The following AKAP19 variants were observed in gnomAD, a reference collection of about 807,000 sequenced individuals.
AKAP19 encodes the protein small A-kinase anchoring protein.
At chr2:189,912,927 G>A in the AKAP19 span, among the ~76,000 whole-genome samples, 1 of 152,092 alleles carries the variant, frequency 6.6e-6, no homozygotes, top group Non-Finnish European at 1.5e-5. Flanking sequence ...TAACATAATA[G>A]CTTGGCTGAG....
the AKAP19 span, among the ~76,000 whole-genome samples, chr2:190,193,547 T>C: frequency 2.0e-5 from 3 of 152,190 alleles, no homozygotes; most frequent in Non-Finnish European, 4.4e-5. Flanking sequence ...GAGGTTTCTT[T>C]TTGGAAAGAT....
chr2:190,004,122 T>C, the AKAP19 span, among the ~76,000 whole-genome samples: 5 of 139,338 alleles, frequency 3.6e-5, no homozygotes, highest in Non-Finnish European at 6.0e-5. Context: ...AAAATTCTAT[T>C]CTTAGAATGG....
the AKAP19 span, chr2:190,060,352 T>C: frequency 6.2e-7 from 1 of 1,612,698 alleles, no homozygotes; most frequent in South Asian, 1.1e-5. Flanking sequence ...AGTTGGGCCT[T>C]TACTACTTTA....
the AKAP19 span, among the ~76,000 whole-genome samples, chr2:189,916,528 G>C: frequency 6.6e-6 from 1 of 151,794 alleles, no homozygotes; most frequent in Admixed American, 6.6e-5. Context: ...CACTATGTTG[G>C]CCAGGCTTGT....
At chr2:190,133,308 A>T in the AKAP19 span, among the ~76,000 whole-genome samples, 2 of 151,854 alleles carry the variant, frequency 1.3e-5, no homozygotes, top group Non-Finnish European at 1.5e-5. Context: ...AACACATATA[A>T]ATGACCAAAC....
chr2:189,986,372 AAAAAAACAAAAACAAACAAC>A, the AKAP19 span, among the ~76,000 whole-genome samples: 1 of 152,066 alleles, frequency 6.6e-6, no homozygotes, highest in African/African-American at 2.4e-5. Context: ...GGGGAGCAAA[AAAAAAACAAAAACAAACAAC>A]AAAAACAAAA....
chr2:189,941,533 CTT>C, the AKAP19 span, among the ~76,000 whole-genome samples: 1 of 150,828 alleles, frequency 6.6e-6, no homozygotes, highest in African/African-American at 2.5e-5. Flanking sequence ...TGTTTTCACA[CTT>C]TTCTTTGAGA....
At chr2:190,068,990 T>G in the AKAP19 span, among the ~76,000 whole-genome samples, 1 of 152,122 alleles carries the variant, frequency 6.6e-6, no homozygotes, top group East Asian at 1.9e-4. Flanking sequence ...GGGACCATAC[T>G]AGGGAGTTGC....
the AKAP19 span, among the ~76,000 whole-genome samples, chr2:190,141,752 T>C: frequency 2.0e-5 from 3 of 152,194 alleles, no homozygotes; most frequent in African/African-American, 7.2e-5. Context: ...TTTACTGTTA[T>C]TGAGCAAAGG....
chr2:190,008,794 C>T, the AKAP19 span, among the ~76,000 whole-genome samples: 4 of 150,538 alleles, frequency 2.7e-5, no homozygotes, highest in Non-Finnish European at 5.9e-5. Flanking sequence ...CTGAAATTTA[C>T]ATTATGGGGT....
chr2:189,922,554 TTGC>T, the AKAP19 span, among the ~76,000 whole-genome samples: 1 of 152,234 alleles, frequency 6.6e-6, no homozygotes, highest in Non-Finnish European at 1.5e-5. Context: ...AAATCAGTAC[TTGC>T]TGTACTTTCA....
chr2:189,917,553 C>A, the AKAP19 span: 1 of 522,378 alleles, frequency 1.9e-6, no homozygotes. Flanking sequence ...TCTTACTCTT[C>A]TTTCTTTCTT....
the AKAP19 span, among the ~76,000 whole-genome samples, chr2:190,052,314 T>C: frequency 1.3e-5 from 2 of 152,154 alleles, no homozygotes; most frequent in Non-Finnish European, 2.9e-5. Flanking sequence ...GCCTAGCGAT[T>C]GCCTCAATGA....
chr2:189,962,107 A>G, the AKAP19 span, among the ~76,000 whole-genome samples: 3 of 152,234 alleles, frequency 2.0e-5, no homozygotes, highest in Non-Finnish European at 4.4e-5. Context: ...AACAGCATAT[A>G]TAATAGAGGT....
At chr2:189,884,909 G>A in the AKAP19 span, among the ~76,000 whole-genome samples, 1 of 152,186 alleles carries the variant, frequency 6.6e-6, no homozygotes. Flanking sequence ...ATCCTGAAGC[G>A]CTAGATTCCT....
chr2:190,166,887 AAAG>A, the AKAP19 span, among the ~76,000 whole-genome samples: 1 of 35,526 alleles, frequency 2.8e-5, no homozygotes, highest in South Asian at 6.4e-4. Flanking sequence ...GCCAGCAAAA[AAAG>A]AAAAAAGAAA....
At chr2:190,086,006 G>A in the AKAP19 span, among the ~76,000 whole-genome samples, 1 of 152,168 alleles carries the variant, frequency 6.6e-6, no homozygotes, top group East Asian at 1.9e-4. Context: ...GCATTACAGT[G>A]CAGCCTTTCT....
At chr2:190,163,440 AC>A in the AKAP19 span, among the ~76,000 whole-genome samples, 2 of 137,910 alleles carry the variant, frequency 1.5e-5, no homozygotes, top group Non-Finnish European at 1.6e-5. Flanking sequence ...TCTCAAAAAA[AC>A]AAAAAACAAA....
the AKAP19 span, among the ~76,000 whole-genome samples, chr2:190,127,081 C>T: frequency 1.3e-5 from 2 of 151,650 alleles, no homozygotes; most frequent in Admixed American, 6.6e-5. Context: ...TATATAGCTG[C>T]ACAAAGTAAG....
Sources: allele counts gnomAD v4.1 joint callset (sites outside exome capture counted in the v4.1 genomes callset), GRCh38; gene constraint gnomAD v4.1.1; transcripts MANE v1.5; gene names NCBI Gene and HGNC (gene_info 2026-07-23, HGNC 2026-07-21).